ITGB5: variants seen among roughly 807,000 people sequenced by gnomAD.
The protein encoded by ITGB5 is integrin subunit beta 5, also known as integrin beta-5.
In ITGB5, 38 loss-of-function variants were observed where a neutral mutation model predicts 84.8. The observed-to-expected ratio is 0.45, with a 90% CI of 0.35 to 0.59. The LOEUF (loss-of-function observed/expected upper bound fraction) is 0.59, where lower values mean the gene tolerates loss of function less well. Ranked by LOEUF, ITGB5 falls within the 20% of genes least tolerant of loss-of-function variation. ITGB5 has a pLI of 0.01. For synonymous variants in ITGB5, 393 were observed against 414.4 expected, an observed-to-expected ratio of 0.95 and a Z score of 0.63; for missense variants, 905 against 1,034.5, an observed-to-expected ratio of 0.87 and a Z score of 1.72.
upstream of ITGB5, among the ~76,000 whole-genome samples, chr3:124,890,243 G>A (rs1236762845): frequency 2.4e-5 from 3 of 123,854 alleles, no homozygotes; most frequent in Non-Finnish European, 3.2e-5. Context: ...TCGCTCTGTC[G>A]CCCAAGCTGG....
chr3:124,867,405 A>G (rs2065407677), intron 2 of ITGB5, among the ~76,000 whole-genome samples: 2 of 152,148 alleles, frequency 1.3e-5, no homozygotes, highest in Non-Finnish European at 2.9e-5. Context: ...ACACCCTGAC[A>G]ACCTCCCAAC....
At chr3:124,805,627 T>C (rs2064390077) in intron 9 of ITGB5, among the ~76,000 whole-genome samples, 1 of 152,128 alleles carries the variant, frequency 6.6e-6, no homozygotes, top group Non-Finnish European at 1.5e-5. Context: ...AATTTTTTAT[T>C]TTCTGTAGAG....
chr3:124,887,708 A>G (rs1390438185), upstream of ITGB5: 3 of 453,114 alleles, frequency 6.6e-6, no homozygotes, highest in Non-Finnish European at 1.3e-5. Flanking sequence ...AGCCGAGATT[A>G]CTTGGGCCAA....
Position 124,873,507 on chromosome 3 carries a change from C to CT in ITGB5, c.94dup (p.Ser32LysfsTer6). On this transcript the variant is annotated frameshift_variant, in exon 2 of 15. Transcript: ENST00000296181. LOFTEE classifies it high-confidence loss of function. ...CAGACATTCTTCACATGAGGTGGCA[C>CT]TTCCACTAGTGCATATGTTGAGACC... is the stretch of plus-strand genomic sequence containing the variant. The CT allele has an allele frequency of 6.2e-7, 1 of 1,613,802 alleles. No homozygotes were observed. Among genetic ancestry groups the CT allele is most frequent in the Non-Finnish European group, 8.5e-7 (1 of 1,179,744 alleles).
At chr3:124,797,944 A>C (rs938446636) in intron 9 of ITGB5, among the ~76,000 whole-genome samples, 1 of 151,926 alleles carries the variant, frequency 6.6e-6, no homozygotes, top group Non-Finnish European at 1.5e-5. Flanking sequence ...TCTGGGTCCA[A>C]ATGTCTTTAT....
intron 1 of ITGB5, among the ~76,000 whole-genome samples, chr3:124,883,088 G>A (rs1441318746): frequency 1.3e-5 from 2 of 152,192 alleles, no homozygotes; most frequent in Non-Finnish European, 2.9e-5. Flanking sequence ...GGAAATACCT[G>A]TGAAAAGAGA....
At chr3:124,851,856 C>T (rs2065161245) in intron 3 of ITGB5, among the ~76,000 whole-genome samples, 1 of 152,156 alleles carries the variant, frequency 6.6e-6, no homozygotes, top group Non-Finnish European at 1.5e-5. Flanking sequence ...CCTGGAGGGA[C>T]TGACATTCCT....
chr3:124,849,736 T>C (rs2065127141), intron 3 of ITGB5, among the ~76,000 whole-genome samples: 1 of 152,100 alleles, frequency 6.6e-6, no homozygotes, highest in African/African-American at 2.4e-5. Context: ...AGGTGTGGCC[T>C]TTTCTGTCTC....
At chr3:124,799,708 G>C (rs930527270) in intron 9 of ITGB5, among the ~76,000 whole-genome samples, 3 of 152,200 alleles carry the variant, frequency 2.0e-5, no homozygotes, top group Admixed American at 6.5e-5. Context: ...GAGAAAACAG[G>C]GTTGGCGGGG....
chr3:124,807,378 G>A (rs567622669), intron 9 of ITGB5, among the ~76,000 whole-genome samples: 4 of 151,466 alleles, frequency 2.6e-5, no homozygotes, highest in South Asian at 4.2e-4. Flanking sequence ...ATCGTGCCAC[G>A]GCACTCCAGC....
At chr3:124,817,343 G>A (rs1018505955) in intron 8 of ITGB5, among the ~76,000 whole-genome samples, 1 of 152,190 alleles carries the variant, frequency 6.6e-6, no homozygotes, top group Non-Finnish European at 1.5e-5. Context: ...GCACTTCCCA[G>A]GCCACCAGCC....
In ITGB5 at chr3:124,766,362, C is replaced by T. The variant is rs141862762; in HGVS notation, c.2018-17G>A. On this transcript the variant is annotated splice_polypyrimidine_tract_variant and intron_variant, in intron 12 of 14. Transcript: ENST00000296181. ...CATCTTTCACTGGAAGAAAACCAAG[C>T]GGGAATGGCCTGAGTCTCTCTGAGC... The T allele has an allele frequency of 3.7e-6, 6 of 1,613,024 alleles. No homozygotes were observed. The East Asian group carries it at 8.9e-5, about 24-fold the overall frequency.
chr3:124,838,773 T>G (rs1229553546), intron 5 of ITGB5, among the ~76,000 whole-genome samples: 2 of 152,106 alleles, frequency 1.3e-5, no homozygotes, highest in Non-Finnish European at 2.9e-5. Flanking sequence ...GGCTAATTTT[T>G]TGTATTTTTA....
intron 5 of ITGB5, among the ~76,000 whole-genome samples, chr3:124,831,526 G>A (rs1320557257): frequency 3.9e-5 from 6 of 152,154 alleles, no homozygotes; most frequent in Admixed American, 1.3e-4. Flanking sequence ...ACCAATTCTT[G>A]GGAATCTGAG....
intron 8 of ITGB5, 128 bp downstream of exon 8, chr3:124,817,492 AG>A: frequency 1.8e-6 from 1 of 570,370 alleles, no homozygotes; most frequent in Non-Finnish European, 3.1e-6. Flanking sequence ...ACCAAACTCA[AG>A]GGGATGGGGG....
intron 3 of ITGB5, among the ~76,000 whole-genome samples, chr3:124,852,147 A>G (rs932782635): frequency 3.3e-5 from 5 of 151,946 alleles, no homozygotes; most frequent in Non-Finnish European, 5.9e-5. Flanking sequence ...TGCCCGGCAG[A>G]GTGGGAAGCG....
chr3:124,800,234 C>T (rs984440239), intron 9 of ITGB5, among the ~76,000 whole-genome samples: 4 of 152,154 alleles, frequency 2.6e-5, no homozygotes, highest in African/African-American at 9.7e-5. Flanking sequence ...GGGTCAGAAA[C>T]TGAATAAACT....
Position 124,769,056 on chromosome 3 carries a change from G to A in ITGB5, c.1974C>T (p.His658=), listed in dbSNP as rs2063805726. 1 of 1,613,914 alleles carries A rather than the reference G, an allele frequency of 6.2e-7. No individual in the cohort carries two copies. Among genetic ancestry groups the A allele is most frequent in the South Asian group, 1.1e-5 (1 of 91,086 alleles). ...TGATCACCTCATCCCTGCATAGGCT[G>A]TGGCAGGTCTGGTTGTCAGGTTTCC... ...HSGKPDNQTC[H]SLCRDEVITW... is the part of the protein sequence containing the mutation. The change falls in exon 12 of 15, where the codon CAC becomes CAT. Residue 658 remains histidine (H), a synonymous_variant. Coordinates refer to ENST00000296181, the MANE Select transcript of ITGB5 (RefSeq NM_002213.5).
intron 4 of ITGB5, among the ~76,000 whole-genome samples, chr3:124,842,932 C>T (rs758035345): frequency 1.4e-4 from 22 of 152,208 alleles, no homozygotes; most frequent in Middle Eastern, 3.4e-3. Flanking sequence ...AGCACAGAGT[C>T]CCCAGCAACA....
Sources: allele counts gnomAD v4.1 joint callset (sites outside exome capture counted in the v4.1 genomes callset), GRCh38; gene constraint gnomAD v4.1.1; transcripts MANE v1.5; gene names NCBI Gene and HGNC (gene_info 2026-07-23, HGNC 2026-07-21).